Variants in EFNA5 observed in about 807,000 individuals in gnomAD.
EFNA5 encodes the protein ephrin A5, also known as ephrin-A5.
In EFNA5, 5 loss-of-function variants were observed where a neutral mutation model predicts 22.9. The observed-to-expected ratio is 0.22, with a 90% CI of 0.11 to 0.46. The LOEUF (loss-of-function observed/expected upper bound fraction) is 0.46, where lower values mean the gene tolerates loss of function less well. Ranked by LOEUF, EFNA5 falls within the 20% of genes least tolerant of loss-of-function variation. The pLI is 0.99. For synonymous variants in EFNA5, 113 were observed against 112.2 expected (o/e 1.01, Z -0.04); for missense variants, 237 against 293.3 (o/e 0.81, Z 1.40).
At position 107,402,796 on chromosome 5, in the gene EFNA5, C is replaced by A. The variant is rs560038987; in HGVS notation, c.419-15025G>T. Among the ~76,000 whole-genome samples the A allele has an allele frequency of 7.2e-5, 11 of 152,280 alleles. No individual in the cohort carries two copies. In the South Asian group the frequency reaches 2.1e-3, roughly 29 times the overall value. On this transcript the variant is annotated intron_variant, in intron 2 of 4. Transcript: ENST00000333274. ...CTGTGGCAGGATGCTTTGATTCTGA[C>A]TAAATCAAGTCTTCGGGCAAATTTC...
chr5:107,513,323 G>A (rs538837947), intron 1 of EFNA5, among the ~76,000 whole-genome samples: 10 of 152,062 alleles, frequency 6.6e-5, no homozygotes, highest in African/African-American at 9.7e-5. Flanking sequence ...GGAAACACTC[G>A]CTTGGGAGCT....
At chr5:107,561,771 CAG>C (rs1220674969) in intron 1 of EFNA5, among the ~76,000 whole-genome samples, 1 of 152,190 alleles carries the variant, frequency 6.6e-6, no homozygotes, top group Non-Finnish European at 1.5e-5. Flanking sequence ...AATGCTTAAA[CAG>C]ATAGTGGACA....
At chr5:107,541,318 T>C (rs11747979) in intron 1 of EFNA5, among the ~76,000 whole-genome samples, 2,470 of 152,250 alleles carry the variant, frequency 0.016, 33 homozygotes, top group Admixed American at 0.027. Flanking sequence ...AGTTAATTTA[T>C]CAGAATGCCA....
At chr5:107,463,868 C>T (rs1278107257) in intron 1 of EFNA5, among the ~76,000 whole-genome samples, 2 of 152,088 alleles carry the variant, frequency 1.3e-5, no homozygotes, top group Middle Eastern at 3.4e-3. Flanking sequence ...ATGTTGACTC[C>T]AAAGGCATGA....
At chr5:107,584,293 G>C (rs1169762736) in intron 1 of EFNA5, among the ~76,000 whole-genome samples, 1 of 152,164 alleles carries the variant, frequency 6.6e-6, no homozygotes, top group Non-Finnish European at 1.5e-5. Context: ...CTGGGATCCA[G>C]TATTGGCCAT....
At chr5:107,655,384 T>C (rs1429841951) in intron 1 of EFNA5, among the ~76,000 whole-genome samples, 1 of 152,150 alleles carries the variant, frequency 6.6e-6, no homozygotes, top group Non-Finnish European at 1.5e-5. Flanking sequence ...AGCTTTCCTA[T>C]GAGCACAGCG....
At chr5:107,474,781 G>C (rs550263377) in intron 1 of EFNA5, among the ~76,000 whole-genome samples, 168 of 119,954 alleles carry the variant, frequency 1.4e-3, no homozygotes, top group Non-Finnish European at 1.5e-3. Context: ...AATGATGCTG[G>C]CTGACCTGCC....
chr5:107,610,526 A>G (rs1162899191), intron 1 of EFNA5, among the ~76,000 whole-genome samples: 1 of 152,218 alleles, frequency 6.6e-6, no homozygotes, highest in Non-Finnish European at 1.5e-5. Flanking sequence ...CTTTGTCTCT[A>G]TGAAGGCAGA....
At chr5:107,549,547 A>T (rs951413485) in intron 1 of EFNA5, among the ~76,000 whole-genome samples, 3 of 152,236 alleles carry the variant, frequency 2.0e-5, no homozygotes, top group Admixed American at 2.0e-4. Flanking sequence ...TTTTGAACAG[A>T]TGGGCCTGGA....
intron 1 of EFNA5, among the ~76,000 whole-genome samples, chr5:107,669,508 GACCCCGCCGGGCACTCTGGATA>G (rs1751141179): frequency 6.6e-6 from 1 of 152,026 alleles, no homozygotes; most frequent in Admixed American, 6.6e-5. Context: ...AGACCCGGAG[GACCCCGCCGGGCACTCTGGATA>G]ACCTCCCCAC....
At chr5:107,630,803 T>C (rs1750234234) in intron 1 of EFNA5, among the ~76,000 whole-genome samples, 1 of 152,174 alleles carries the variant, frequency 6.6e-6, no homozygotes, top group Non-Finnish European at 1.5e-5. Context: ...ATTGTACAAC[T>C]GTACAAAGTA....
intron 1 of EFNA5, among the ~76,000 whole-genome samples, chr5:107,653,243 A>C (rs1750768154): frequency 1.3e-5 from 2 of 152,094 alleles, no homozygotes. Context: ...CAAGACAAGC[A>C]GCTTTGTGTA....
chr5:107,590,685 A>G (rs1749304853), intron 1 of EFNA5, among the ~76,000 whole-genome samples: 1 of 152,040 alleles, frequency 6.6e-6, no homozygotes, highest in Non-Finnish European at 1.5e-5. Context: ...GAGCCACCAC[A>G]CCTGGCCTCA....
At chr5:107,539,716 C>T (rs1397667651) in intron 1 of EFNA5, among the ~76,000 whole-genome samples, 1 of 152,138 alleles carries the variant, frequency 6.6e-6, no homozygotes, top group Non-Finnish European at 1.5e-5. Flanking sequence ...CTCAGCCTCC[C>T]AAAGTGCTGG....
At chr5:107,402,100 G>A (rs556351294) in intron 2 of EFNA5, among the ~76,000 whole-genome samples, 6 of 152,162 alleles carry the variant, frequency 3.9e-5, no homozygotes, top group Non-Finnish European at 8.8e-5. Flanking sequence ...TGGTTTCACC[G>A]ACAGGACTCC....
chr5:107,408,063 T>C (rs1748268247), intron 2 of EFNA5, among the ~76,000 whole-genome samples: 1 of 152,186 alleles, frequency 6.6e-6, no homozygotes, highest in African/African-American at 2.4e-5. Flanking sequence ...CTGTTATTTC[T>C]CCTAATGGCT....
At chr5:107,502,592 G>A (rs1747160025) in intron 1 of EFNA5, among the ~76,000 whole-genome samples, 1 of 152,146 alleles carries the variant, frequency 6.6e-6, no homozygotes, top group Non-Finnish European at 1.5e-5. Flanking sequence ...GCATGTACAT[G>A]GGGTTGATAT....
chr5:107,622,704 C>A (rs1468146381), intron 1 of EFNA5, among the ~76,000 whole-genome samples: 1 of 152,014 alleles, frequency 6.6e-6, no homozygotes, highest in Non-Finnish European at 1.5e-5. Context: ...GATTGAATTT[C>A]AGTAATAGAC....
chr5:107,420,991 C>T (rs1341186328), intron 2 of EFNA5, among the ~76,000 whole-genome samples: 1 of 152,162 alleles, frequency 6.6e-6, no homozygotes, highest in African/African-American at 2.4e-5. Context: ...GGACTTTCTT[C>T]AAATTAGTTC....
Sources: allele counts gnomAD v4.1 joint callset (sites outside exome capture counted in the v4.1 genomes callset), GRCh38; gene constraint gnomAD v4.1.1; transcripts MANE v1.5; gene names NCBI Gene and HGNC (gene_info 2026-07-23, HGNC 2026-07-21).